Variants in SRGAP3 observed in about 807,000 individuals in gnomAD.
SRGAP3 encodes SLIT-ROBO Rho GTPase-activating protein 3.
A neutral mutation model predicts 121.1 loss-of-function variants in SRGAP3; 39 were observed. The ratio of observed to expected loss-of-function variants is 0.32; its 90% CI spans 0.25 to 0.42. The LOEUF (loss-of-function observed/expected upper bound fraction) is 0.42. Ranked by LOEUF, SRGAP3 falls within the 10% of genes least tolerant of loss-of-function variation. The probability of loss-of-function intolerance (pLI) is 1.00; values close to 1 mark genes in which losing one functional copy is unlikely to be tolerated. For missense variants in SRGAP3, 1,213 were observed against 1,470.6 expected (o/e 0.82, Z 2.86); for synonymous variants, 601 against 570.0 (o/e 1.05, Z -0.77).
At chr3:9,009,980 G>A (rs1532998) in intron 18 of SRGAP3, among the ~76,000 whole-genome samples, 1 of 152,208 alleles carries the variant, frequency 6.6e-6, no homozygotes, top group South Asian at 2.1e-4. Flanking sequence ...AAGGATGGAG[G>A]AACAGAGCTT....
intron 14 of SRGAP3, among the ~76,000 whole-genome samples, chr3:9,016,472 G>A (rs1199527820): frequency 2.0e-5 from 3 of 152,142 alleles, no homozygotes; most frequent in African/African-American, 7.2e-5. Flanking sequence ...ACACTACATG[G>A]GTGATGTTAT....
chr3:9,204,251 C>T (rs1476191275), intron 1 of SRGAP3, among the ~76,000 whole-genome samples: 2 of 152,238 alleles, frequency 1.3e-5, no homozygotes, highest in Non-Finnish European at 2.9e-5. Context: ...GGCAGAGGGC[C>T]TGCCAGAAAG....
At chr3:9,351,964 AAACAACGGCAGCTGGG>A (rs2030190237) in intron 1 of SRGAP3, among the ~76,000 whole-genome samples, 1 of 152,178 alleles carries the variant, frequency 6.6e-6, no homozygotes, top group South Asian at 2.1e-4. Flanking sequence ...GAGTTCCTGG[AAACAACGGCAGCTGGG>A]AATTCCCCAG....
intron 1 of SRGAP3, among the ~76,000 whole-genome samples, chr3:9,332,929 T>C (rs1356176348): frequency 6.6e-6 from 1 of 152,320 alleles, no homozygotes; most frequent in South Asian, 2.1e-4. Context: ...TAGAAAATCA[T>C]ATTAGCTCAA....
At chr3:9,129,468 C>T (rs948209657) in intron 1 of SRGAP3, among the ~76,000 whole-genome samples, 1 of 69,006 alleles carries the variant, frequency 1.4e-5, no homozygotes, top group Non-Finnish European at 3.3e-5. Flanking sequence ...GGTAGGTAAG[C>T]AAAAAAAAAA....
In SRGAP3 at chr3:8,982,833, T is replaced by A. The variant is rs1941487258; in HGVS notation, c.*2686A>T. ...CCTAAATGTGAACTCATCAGCCATT[T>A]CCCAATGGAAAAAAAAAAAAAAGGT... On this transcript the variant is annotated 3_prime_UTR_variant, in exon 22 of 22. Coordinates refer to ENST00000383836, the MANE Select transcript of SRGAP3 (RefSeq NM_014850.4). 4.8e-6 allele frequency: 1 copy of A among 208,634 alleles called. No individual in the cohort carries two copies. The highest frequency in any genetic ancestry group is 2.6e-5 in the African/African-American group (1 of 38,648). 12.9% of individuals were successfully genotyped at this position (208,634 alleles called of 1,614,324 possible). A position where few individuals can be genotyped will look rare whatever the true frequency, so the allele number is the denominator to read the frequency against.
At chr3:9,058,226 G>A (rs754683825) in intron 7 of SRGAP3, 25 bp downstream of exon 7, 1 of 1,610,054 alleles carries the variant, frequency 6.2e-7, no homozygotes, top group Non-Finnish European at 8.5e-7. Context: ...GCAGCCCCAA[G>A]CCCGGGCTCC....
rs556719949 is a variant in SRGAP3 at position 9,140,819 on chromosome 3, T to A, written c.68-15902A>T. The stretch of plus-strand genomic sequence containing the variant: ...TACTCTACATAATAGGCATTACTCC[T>A]CTAATAAGGGGAGAGGCAGTAAACT... On this transcript the variant is annotated intron_variant, in intron 1 of 21. Transcript: ENST00000383836. 4.6e-5 allele frequency among the ~76,000 whole-genome samples: 7 copies of A among 152,350 alleles called. No homozygotes were observed. In the East Asian group the frequency reaches 1.3e-3, roughly 29 times the overall value.
intron 18 of SRGAP3, among the ~76,000 whole-genome samples, chr3:9,001,995 G>A (rs1238174261): frequency 6.6e-6 from 1 of 152,034 alleles, no homozygotes; most frequent in African/African-American, 2.4e-5. Context: ...TCTCAATAAC[G>A]GAAAGAACAA....
intron 14 of SRGAP3, among the ~76,000 whole-genome samples, chr3:9,016,193 T>G (rs1440452376): frequency 6.6e-6 from 1 of 152,200 alleles, no homozygotes; most frequent in African/African-American, 2.4e-5. Flanking sequence ...ACAGCCCACA[T>G]TCAGACATCC....
At chr3:9,190,514 C>G (rs1951717226) in intron 1 of SRGAP3, among the ~76,000 whole-genome samples, 1 of 152,192 alleles carries the variant, frequency 6.6e-6, no homozygotes, top group African/African-American at 2.4e-5. Context: ...CTGGCTGGCT[C>G]CAATCCTCGG....
At chr3:9,229,068 C>CAAAAAAAA (rs61231273) in intron 1 of SRGAP3, among the ~76,000 whole-genome samples, 1 of 74,088 alleles carries the variant, frequency 1.3e-5, no homozygotes, top group Non-Finnish European at 2.7e-5. Context: ...GACTCCGTCT[C>CAAAAAAAA]AAAAAAAAAA....
chr3:9,179,378 T>G (rs1477944754), intron 1 of SRGAP3, among the ~76,000 whole-genome samples: 1 of 152,212 alleles, frequency 6.6e-6, no homozygotes, highest in Non-Finnish European at 1.5e-5. Context: ...AAGTTACTTA[T>G]CCTTGCTGAG....
intron 4 of SRGAP3, among the ~76,000 whole-genome samples, chr3:9,071,597 G>A (rs1033207582): frequency 2.6e-5 from 4 of 152,050 alleles, no homozygotes; most frequent in African/African-American, 9.7e-5. Flanking sequence ...AGTCCACACA[G>A]AGGAAAACAA....
At chr3:8,987,883 TATC>T (rs946713789) in intron 21 of SRGAP3, among the ~76,000 whole-genome samples, 7 of 152,164 alleles carry the variant, frequency 4.6e-5, no homozygotes, top group African/African-American at 1.7e-4. Context: ...CGAGCCGCCC[TATC>T]ATCAACCACT....
chr3:9,131,456 T>C (rs1949444633), intron 1 of SRGAP3, among the ~76,000 whole-genome samples: 1 of 147,382 alleles, frequency 6.8e-6, no homozygotes, highest in Admixed American at 6.8e-5. Flanking sequence ...TTTTTTTTTT[T>C]GAGATGGAGT....
intron 1 of SRGAP3, chr3:9,348,832 T>G: frequency 7.5e-7 from 1 of 1,340,914 alleles, no homozygotes. Context: ...CCGACCATCC[T>G]TTCTACAACA....
chr3:9,145,280 G>C (rs1222161272), intron 1 of SRGAP3, among the ~76,000 whole-genome samples: 3 of 152,160 alleles, frequency 2.0e-5, no homozygotes, highest in Non-Finnish European at 4.4e-5. Flanking sequence ...AGTTGTGGTA[G>C]AGACGGGGTT....
chr3:9,019,476 A>C (rs1943804698), intron 14 of SRGAP3, among the ~76,000 whole-genome samples: 1 of 152,180 alleles, frequency 6.6e-6, no homozygotes, highest in Admixed American at 6.5e-5. Context: ...ACCACTGTGA[A>C]TTTCCATGGG....
Sources: allele counts gnomAD v4.1 joint callset (sites outside exome capture counted in the v4.1 genomes callset), GRCh38; gene constraint gnomAD v4.1.1; transcripts MANE v1.5; gene names NCBI Gene and HGNC (gene_info 2026-07-23, HGNC 2026-07-21).